XPO7: variants seen among roughly 807,000 people sequenced by gnomAD.
The protein encoded by XPO7 is exportin 7.
Under a neutral mutation model 144.3 loss-of-function variants are expected in XPO7, and 21 were observed. The ratio of observed to expected loss-of-function variants is 0.15; its 90% CI spans 0.10 to 0.21. XPO7 has a LOEUF of 0.21. XPO7 is among the 10% of genes least tolerant of loss of function. The pLI is 1.00. For synonymous variants in XPO7, 580 were observed against 499.6 expected (o/e 1.16, Z -2.15); for missense variants, 808 against 1,325.8 (o/e 0.61, Z 6.06).
chr8:22,003,320 G>T lies in XPO7; in HGVS notation c.3042+3G>T. On this transcript the variant is annotated splice_donor_region_variant and intron_variant, in intron 26 of 27. Transcript: ENST00000252512. ...GCTTGATATTGCTTAATGAAAAGGTGAGAGAGCCAGCTCCCTGGTGCCAAC... is the reference window on the plus strand; with the variant it reads ...GCTTGATATTGCTTAATGAAAAGGTTAGAGAGCCAGCTCCCTGGTGCCAAC... 2 of 1,604,952 alleles carry T rather than the reference G, an allele frequency of 1.2e-6. No individual in the cohort carries two copies. The highest frequency in any genetic ancestry group is 1.1e-5 in the South Asian group (1 of 89,010).
intron 8 of XPO7, 73 bp downstream of exon 8, chr8:21,977,916 C>G: frequency 1.5e-6 from 2 of 1,317,456 alleles, no homozygotes. Flanking sequence ...ACCTTATATT[C>G]GTTTTGTTTT....
intron 1 of XPO7, among the ~76,000 whole-genome samples, chr8:21,929,538 A>C (rs1290738769): frequency 1.3e-5 from 2 of 152,236 alleles, no homozygotes; most frequent in African/African-American, 4.8e-5. Context: ...ATATAGTTGT[A>C]ACTGTTTTAC....
intron 4 of XPO7, 22 bp from the exon 5 acceptor site, chr8:21,971,854 A>G (rs1350338242): frequency 1.2e-6 from 2 of 1,604,106 alleles, no homozygotes; most frequent in African/African-American, 2.7e-5. Flanking sequence ...AACTCTTTCT[A>G]CCTTATACTT....
rs1813148041 is a variant in XPO7, at chr8:22,001,532, T to C, written c.2783-580T>C. 2.0e-5 allele frequency among the ~76,000 whole-genome samples: 3 copies of C among 152,290 alleles called. No individual in the cohort carries two copies. In the East Asian group the frequency reaches 5.8e-4, roughly 29 times the overall value. On this transcript the variant is annotated intron_variant, in intron 24 of 27. Coordinates refer to ENST00000252512, the MANE Select transcript of XPO7 (RefSeq NM_015024.5). Reference sequence around the variant, plus strand: ...CAGAGATGCTTTGGAGATAAACAGATAATACAGCATACCGTGTTCTAACAA... The same window carrying C: ...CAGAGATGCTTTGGAGATAAACAGACAATACAGCATACCGTGTTCTAACAA...
At chr8:22,002,938 C>T (rs548945884) in intron 25 of XPO7, 92 of 246,228 alleles carry the variant, frequency 3.7e-4, no homozygotes, top group African/African-American at 2.0e-3. Context: ...ATTTTGTTTA[C>T]GTGACCCCAT....
chr8:21,946,182 T>A (rs148263095), intron 1 of XPO7, among the ~76,000 whole-genome samples: 1 of 152,250 alleles, frequency 6.6e-6, no homozygotes, highest in Non-Finnish European at 1.5e-5. Flanking sequence ...AGTAGCAGGT[T>A]TAGGTTACCC....
chr8:21,923,641 T>C (rs1810366081), intron 1 of XPO7, among the ~76,000 whole-genome samples: 1 of 152,194 alleles, frequency 6.6e-6, no homozygotes, highest in Non-Finnish European at 1.5e-5. Context: ...TACAGTACAG[T>C]GATGGAAGAA....
In XPO7 at chr8:21,990,407, G is replaced by T; in HGVS notation, c.1932G>T (p.Thr644=). ...TACAGTTCATGCTGAACAATCACAC[G>T]GTGAGTGATTTTAGCTTTTTTTCCT... ...SAVQFMLNNH[T]SEHFSFLGIN... Residue 644 remains threonine, a splice_region_variant and synonymous_variant, in exon 17 of 28, where the codon ACG becomes ACT. Transcript: ENST00000252512. The T allele has an allele frequency of 6.2e-7, 1 of 1,613,390 alleles. No homozygotes were observed. The highest frequency in any genetic ancestry group is 1.1e-5 in the South Asian group (1 of 91,056).
chr8:21,952,554 T>C (rs966160993), intron 1 of XPO7, among the ~76,000 whole-genome samples: 1 of 152,236 alleles, frequency 6.6e-6, no homozygotes, highest in Non-Finnish European at 1.5e-5. Context: ...GTAGGTTATT[T>C]AATATGAGCA....
At chr8:21,940,018 T>C (rs1157786413) in intron 1 of XPO7, among the ~76,000 whole-genome samples, 1 of 152,214 alleles carries the variant, frequency 6.6e-6, no homozygotes, top group African/African-American at 2.4e-5. Flanking sequence ...CTGATGGAAA[T>C]GTACCTTTTC....
chr8:21,933,507 C>T (rs1810723198), intron 1 of XPO7, among the ~76,000 whole-genome samples: 1 of 152,128 alleles, frequency 6.6e-6, no homozygotes, highest in South Asian at 2.1e-4. Flanking sequence ...CTATATATAT[C>T]ATTAGTTTCC....
chr8:21,982,612 T>C lies in XPO7; in HGVS notation c.1105-28T>C, dbSNP rs1051296328. The stretch of plus-strand genomic sequence containing the variant: ...CTAACACGTACAGAAATGAAAAATA[T>C]GCCTTCTGCTTTTCTACTTTTCTTT... On this transcript the variant is annotated intron_variant, in intron 10 of 27. Transcript: ENST00000252512. 2.3e-5 allele frequency: 35 copies of C among 1,548,098 alleles called. No homozygotes were observed. In the East Asian group the frequency reaches 4.8e-4, roughly 21 times the overall value.
intron 7 of XPO7, among the ~76,000 whole-genome samples, chr8:21,976,876 C>G (rs59007106): frequency 6.6e-6 from 1 of 152,166 alleles, no homozygotes; most frequent in Non-Finnish European, 1.5e-5. Context: ...CCAAGCTAGT[C>G]TTGAACTCCT....
intron 24 of XPO7, among the ~76,000 whole-genome samples, chr8:22,001,599 C>A (rs1280297825): frequency 6.6e-6 from 1 of 152,222 alleles, no homozygotes; most frequent in East Asian, 1.9e-4. Context: ...GGTTTAATTA[C>A]ATCCCACTGG....
At chr8:21,976,597 C>G (rs1812232049) in intron 7 of XPO7, 76 bp downstream of exon 7, 1 of 1,431,428 alleles carries the variant, frequency 7.0e-7, no homozygotes, top group Non-Finnish European at 9.3e-7. Context: ...CTAAAGAACT[C>G]CTGGCAACTC....
In XPO7 at chr8:22,003,311, T is replaced by C; in HGVS notation, c.3036T>C (p.Asn1012=). The change falls in exon 26 of 28, where the codon AAT becomes AAC. Residue 1012 remains asparagine (N), a synonymous_variant. Coordinates refer to ENST00000252512, the MANE Select transcript of XPO7 (RefSeq NM_015024.5). ...CACTACTTGGCTTGATATTGCTTAA[T>C]GAAAAGGTGAGAGAGCCAGCTCCCT... ...SRPLLGLILL[N]EKYFSDLRNS... The C allele has an allele frequency of 6.2e-7, 1 of 1,608,858 alleles. No homozygotes were observed. Among genetic ancestry groups the C allele is most frequent in the African/African-American group, 1.3e-5 (1 of 74,986 alleles).
chr8:21,999,339 C>A, intron 23 of XPO7, 34 bp downstream of exon 23: 1 of 1,608,822 alleles, frequency 6.2e-7, no homozygotes, highest in Non-Finnish European at 8.5e-7. Flanking sequence ...CAATCTTGTT[C>A]CTCATCACAT....
intron 26 of XPO7, 27 bp downstream of exon 26, chr8:22,003,344 A>T (rs1171573898): frequency 1.3e-6 from 2 of 1,577,178 alleles, no homozygotes; most frequent in African/African-American, 2.7e-5. Context: ...CCTGGTGCCA[A>T]CCCAGAAGCA....
chr8:21,969,357 C>G (rs1811980177), intron 2 of XPO7, 126 bp from the exon 3 acceptor site: 3 of 746,640 alleles, frequency 4.0e-6, no homozygotes, highest in Non-Finnish European at 6.6e-6. Flanking sequence ...CCTCTAAAAT[C>G]CAGAGGATCA....
Sources: gnomAD v4.1 joint callset for allele counts (sites outside exome capture counted in the v4.1 genomes callset) on GRCh38, gnomAD v4.1.1 for gene constraint, MANE v1.5 for transcripts, NCBI Gene and HGNC (gene_info 2026-07-23, HGNC 2026-07-21) for gene names.